PAK1: variants seen among roughly 807,000 people sequenced by gnomAD.
PAK1 encodes serine/threonine-protein kinase PAK 1.
In PAK1, 29 loss-of-function variants were observed where a neutral mutation model predicts 67.4. That is an observed-to-expected ratio of 0.43 (90% CI 0.32 to 0.59). The LOEUF is 0.59. Among genes scored for constraint, PAK1 ranks in the 20% least tolerant of loss-of-function variants. The pLI is 0.07. For missense variants in PAK1, 337 were observed against 670.7 expected, an observed-to-expected ratio of 0.50 and a Z score of 5.50; for synonymous variants, 223 against 237.4, an observed-to-expected ratio of 0.94 and a Z score of 0.56.
At chr11:77,358,538 A>G (rs1394001068) in intron 6 of PAK1, among the ~76,000 whole-genome samples, 2 of 152,198 alleles carry the variant, frequency 1.3e-5, no homozygotes, top group Non-Finnish European at 2.9e-5. Context: ...AAAGATCTGT[A>G]GCAAGACAAT....
intron 5 of PAK1, 54 bp downstream of exon 5, chr11:77,374,274 T>C (rs1948813669): frequency 8.2e-7 from 1 of 1,222,428 alleles, no homozygotes; most frequent in South Asian, 1.2e-5. Flanking sequence ...CCACACTGTC[T>C]TGATCCTTAC....
chr11:77,406,785 G>A (rs1393284065), intron 1 of PAK1, among the ~76,000 whole-genome samples: 1 of 151,438 alleles, frequency 6.6e-6, no homozygotes, highest in Non-Finnish European at 1.5e-5. Flanking sequence ...GATTTCAAAG[G>A]AAAAAAAAGA....
At chr11:77,330,322 G>A (rs985758766) in intron 14 of PAK1, among the ~76,000 whole-genome samples, 18 of 152,000 alleles carry the variant, frequency 1.2e-4, no homozygotes, top group East Asian at 3.8e-4. Flanking sequence ...AGCCCGCATC[G>A]CCGAGTCAAT....
At chr11:77,506,479 T>C in the PAK1 span, among the ~76,000 whole-genome samples, 1 of 152,168 alleles carries the variant, frequency 6.6e-6, no homozygotes, top group African/African-American at 2.4e-5. Context: ...TTTAGATTTT[T>C]AGCTGGCAGG....
chr11:77,343,838 T>C lies in PAK1; in HGVS notation c.979A>G (p.Ile327Val). ...CCATACCTGTCCAAGTAATTCACAATGTTTGGGTTCTTGTTTTCCCTCATG... is the reference window on the plus strand; with the variant it reads ...CCATACCTGTCCAAGTAATTCACAACGTTTGGGTTCTTGTTTTCCCTCATG... ...LVMRENKNPN[I>V]VNYLDSYLVG... Residue 327 changes from isoleucine (I) to valine (V), a missense_variant, in exon 10 of 15, where the codon ATT becomes GTT. Ile to Val is a conservative substitution (Grantham distance 29). Around this residue, in one of 8 missense-constraint regions of PAK1, gnomAD observed 18 missense variants for 45.2 expected, o/e 0.40. Transcript: ENST00000356341. 6.2e-7 allele frequency: 1 copy of C among 1,605,546 alleles called. No individual in the cohort carries two copies. Among genetic ancestry groups the C allele is most frequent in the Non-Finnish European group, 8.5e-7 (1 of 1,172,210 alleles).
chr11:77,414,721 T>C (rs754647068), intron 1 of PAK1, among the ~76,000 whole-genome samples: 79 of 152,370 alleles, frequency 5.2e-4, no homozygotes, highest in Non-Finnish European at 9.6e-4. Flanking sequence ...ACAGGCTTTA[T>C]GCTTTTCACA....
At chr11:77,512,980 G>A in the PAK1 span, among the ~76,000 whole-genome samples, 212 of 152,240 alleles carry the variant, frequency 1.4e-3, 1 homozygote, top group East Asian at 9.3e-3. Context: ...TGTAGTCCCC[G>A]CTACTTGGGA....
intron 1 of PAK1, among the ~76,000 whole-genome samples, chr11:77,439,468 T>C (rs1399946230): frequency 1.3e-5 from 2 of 152,212 alleles, no homozygotes; most frequent in Admixed American, 1.3e-4. Context: ...GAAAACTACC[T>C]GGCAGGAACT....
intron 5 of PAK1, among the ~76,000 whole-genome samples, chr11:77,363,086 C>T (rs1434646935): frequency 6.6e-6 from 1 of 152,110 alleles, no homozygotes; most frequent in Non-Finnish European, 1.5e-5. Context: ...CAAGGTTCAG[C>T]TAAGACAGTC....
intron 1 of PAK1, among the ~76,000 whole-genome samples, chr11:77,446,860 T>C (rs1363036506): frequency 6.6e-6 from 1 of 151,082 alleles, no homozygotes; most frequent in African/African-American, 2.4e-5. Context: ...TCAAAAACTG[T>C]TTAGAATAAT....
chr11:77,336,167 C>A lies in PAK1; in HGVS notation c.1332G>T (p.Lys444Asn), dbSNP rs752969852. 1.9e-6 allele frequency: 3 copies of A among 1,613,940 alleles called. No individual in the cohort carries two copies. The South Asian group carries it at 3.3e-5, about 18-fold the overall frequency. ...EVVTRKAYGP[K>N]VDIWSLGIMA... ...TGATGCCCAGGGACCAGATGTCAAC[C>A]TTGGGCCCATAGGCCTTTCGTGTCA... Residue 444 changes from lysine to asparagine, a missense_variant, in exon 13 of 15, where the codon AAG becomes AAT. Physicochemically the swap from Lys to Asn is moderately conservative, Grantham distance 94 (BLOSUM62 0). This residue lies in a region of PAK1 where 71 missense variants were observed against 160.5 expected (regional missense o/e 0.44). Coordinates refer to ENST00000356341, the MANE Select transcript of PAK1 (RefSeq NM_002576.5).
intron 14 of PAK1, among the ~76,000 whole-genome samples, chr11:77,328,066 A>G (rs1940485546): frequency 1.3e-5 from 2 of 152,232 alleles, no homozygotes; most frequent in South Asian, 4.1e-4. Context: ...AAAGGGATCA[A>G]TTCAACAACA....
chr11:77,401,494 T>C (rs1426850789), intron 1 of PAK1, among the ~76,000 whole-genome samples: 1 of 152,208 alleles, frequency 6.6e-6, no homozygotes, highest in Non-Finnish European at 1.5e-5. Context: ...TTAACAAGCA[T>C]ATATAAAAGC....
Position 77,368,357 on chromosome 11 carries a change from T to C in PAK1, c.477+5971A>G, listed in dbSNP as rs114768582. Reference sequence around the variant, plus strand: ...AAAATATGTGTAACCTGCAATTCTATAAGCAGCTGAAGTATTAATTAAACG... The same window carrying C: ...AAAATATGTGTAACCTGCAATTCTACAAGCAGCTGAAGTATTAATTAAACG... On this transcript the variant is annotated intron_variant, in intron 5 of 14. Coordinates refer to ENST00000356341, the MANE Select transcript of PAK1 (RefSeq NM_002576.5). 8.0e-3 allele frequency among the ~76,000 whole-genome samples: 1,212 copies of C among 152,334 alleles called. 21 individuals are homozygous for C. Among genetic ancestry groups the C allele is most frequent in the African/African-American group, 0.028 (1,164 of 41,572 alleles).
intron 1 of PAK1, among the ~76,000 whole-genome samples, chr11:77,467,183 T>C (rs1245762680): frequency 6.6e-6 from 1 of 152,170 alleles, no homozygotes; most frequent in East Asian, 1.9e-4. Flanking sequence ...CTGTGCTTCG[T>C]TAACCCCTGA....
At chr11:77,483,302 C>T in the PAK1 span, among the ~76,000 whole-genome samples, 12 of 151,844 alleles carry the variant, frequency 7.9e-5, no homozygotes, top group Admixed American at 6.6e-4. Flanking sequence ...ACGGCATGTT[C>T]GTAATCCATG....
At chr11:77,493,684 C>T in the PAK1 span, among the ~76,000 whole-genome samples, 18 of 151,938 alleles carry the variant, frequency 1.2e-4, no homozygotes, top group South Asian at 2.9e-3. Context: ...CTTACTGAAC[C>T]GAGAGTGCGT....
At chr11:77,462,955 G>A (rs1385183463) in intron 1 of PAK1, among the ~76,000 whole-genome samples, 3 of 124,448 alleles carry the variant, frequency 2.4e-5, no homozygotes, top group African/African-American at 9.0e-5. Context: ...GGCACTGGGG[G>A]ATACAACAGT....
the PAK1 span, among the ~76,000 whole-genome samples, chr11:77,528,013 C>T: frequency 2.3e-4 from 35 of 152,016 alleles, no homozygotes; most frequent in African/African-American, 8.2e-4. Flanking sequence ...CCATGCCCAG[C>T]TAATTTTTTC....
Sources: gnomAD v4.1 joint callset for allele counts (sites outside exome capture counted in the v4.1 genomes callset) on GRCh38, gnomAD v4.1.1 for gene constraint, gnomAD v4.1.1 regional missense constraint, MANE v1.5 for transcripts, NCBI Gene and HGNC (gene_info 2026-07-23, HGNC 2026-07-21) for gene names.